The following KAT6A variants were observed in gnomAD, a reference collection of about 807,000 sequenced individuals.
The protein encoded by KAT6A is histone acetyltransferase KAT6A.
In KAT6A, 9 loss-of-function variants were observed where a neutral mutation model predicts 198.4. The ratio of observed to expected loss-of-function variants is 0.05; its 90% CI spans 0.03 to 0.08. KAT6A has a LOEUF of 0.08. KAT6A is among the 10% of genes least tolerant of loss of function. The pLI, the probability that KAT6A is intolerant of heterozygous loss-of-function variation, is 1.00. For missense variants in KAT6A, 2,077 were observed against 2,509.9 expected, an observed-to-expected ratio of 0.83 and a Z score of 3.69; for synonymous variants, 890 against 883.0, an observed-to-expected ratio of 1.01 and a Z score of -0.14.
At position 42,030,090 on chromosome 8, in the gene KAT6A, C is replaced by T. The variant is rs550871816; in HGVS notation, c.600+18288G>A. Among the ~76,000 whole-genome samples, 9 of 152,206 alleles carry T rather than the reference C, an allele frequency of 5.9e-5. No individual in the cohort carries two copies. In the East Asian group the frequency reaches 9.6e-4, roughly 16 times the overall value. On this transcript the variant is annotated intron_variant, in intron 2 of 16. Coordinates refer to ENST00000265713, the MANE Select transcript of KAT6A (RefSeq NM_006766.5). Reference sequence around the variant, plus strand: ...ATATGGAGATTCAAGGGCAATTGGGCGCCAGAGAAAGATGTGGTCTAATAG... The same window carrying T: ...ATATGGAGATTCAAGGGCAATTGGGTGCCAGAGAAAGATGTGGTCTAATAG...
chr8:42,045,042 G>T (rs1230813061), intron 2 of KAT6A, among the ~76,000 whole-genome samples: 1 of 152,180 alleles, frequency 6.6e-6, no homozygotes, highest in East Asian at 1.9e-4. Context: ...TCATCCTAGA[G>T]TTCACTGTAT....
chr8:41,999,718 A>G (rs1825392795), intron 2 of KAT6A, among the ~76,000 whole-genome samples: 1 of 152,190 alleles, frequency 6.6e-6, no homozygotes, highest in Admixed American at 6.5e-5. Context: ...CTCATTCTCC[A>G]GGGTATTTTA....
chr8:42,023,295 C>T (rs1278709294), intron 2 of KAT6A, among the ~76,000 whole-genome samples: 1 of 152,028 alleles, frequency 6.6e-6, no homozygotes, highest in Non-Finnish European at 1.5e-5. Flanking sequence ...TTACTATACA[C>T]TAATACAAAC....
chr8:42,006,554 A>T (rs998706764), intron 2 of KAT6A, among the ~76,000 whole-genome samples: 1 of 152,224 alleles, frequency 6.6e-6, no homozygotes, highest in African/African-American at 2.4e-5. Context: ...AAAAATTCAA[A>T]ATCAAAAATG....
intron 2 of KAT6A, among the ~76,000 whole-genome samples, chr8:42,037,640 A>G (rs980448645): frequency 6.6e-6 from 1 of 152,122 alleles, no homozygotes; most frequent in Non-Finnish European, 1.5e-5. Flanking sequence ...CCTATTCTAC[A>G]TAAAAGGTAA....
Position 41,937,662 on chromosome 8 carries a change from C to T in KAT6A, c.3040-94G>A, listed in dbSNP as rs548848667. ...GTTTTAAAACCAAATAGAATTAGCA[C>T]ATATAAAATGAGGATGTTGTTTGCC... is the stretch of plus-strand genomic sequence containing the variant. On this transcript the variant is annotated intron_variant, in intron 15 of 16. Transcript: ENST00000265713. 6.2e-6 allele frequency: 6 copies of T among 973,416 alleles called. No individual in the cohort carries two copies. In the South Asian group the frequency reaches 9.0e-5, roughly 15 times the overall value. The allele number at this position is 973,416 out of a possible 1,614,324, so 60.3% of individuals were successfully genotyped here. A position where few individuals can be genotyped will look rare whatever the true frequency, so the allele number is the denominator to read the frequency against.
At chr8:42,025,932 C>T (rs921670059) in intron 2 of KAT6A, among the ~76,000 whole-genome samples, 1 of 152,090 alleles carries the variant, frequency 6.6e-6, no homozygotes, top group Non-Finnish European at 1.5e-5. Context: ...AGTCTTTAAT[C>T]CATTCTGAGC....
At chr8:41,972,278 T>C (rs1587764200) in intron 8 of KAT6A, among the ~76,000 whole-genome samples, 1 of 152,168 alleles carries the variant, frequency 6.6e-6, no homozygotes, top group Non-Finnish European at 1.5e-5. Flanking sequence ...GAAAATAATG[T>C]TTGGCCACCA....
At chr8:42,008,858 A>T (rs1825873387) in intron 2 of KAT6A, among the ~76,000 whole-genome samples, 1 of 152,192 alleles carries the variant, frequency 6.6e-6, no homozygotes, top group Non-Finnish European at 1.5e-5. Context: ...TGGCAACTGT[A>T]CTGGTTTAGT....
intron 2 of KAT6A, among the ~76,000 whole-genome samples, chr8:42,043,281 G>C (rs974392723): frequency 6.6e-6 from 1 of 152,094 alleles, no homozygotes; most frequent in Non-Finnish European, 1.5e-5. Context: ...TTTACAAAGA[G>C]GAAGATGCTA....
intron 8 of KAT6A, among the ~76,000 whole-genome samples, chr8:41,966,505 T>C (rs1184500724): frequency 6.6e-6 from 1 of 152,066 alleles, no homozygotes; most frequent in East Asian, 1.9e-4. Context: ...GGGACTCCTG[T>C]ATAGTAGTCA....
At chr8:42,028,429 T>A (rs1826949635) in intron 2 of KAT6A, among the ~76,000 whole-genome samples, 2 of 152,208 alleles carry the variant, frequency 1.3e-5, no homozygotes, top group Non-Finnish European at 2.9e-5. Context: ...TGGGTGCGTA[T>A]ATATTTACCA....
In KAT6A at chr8:42,048,704, C is replaced by T. The variant is rs1183558160; in HGVS notation, c.274G>A (p.Asp92Asn). 3.7e-6 allele frequency: 6 copies of T among 1,614,218 alleles called. No individual in the cohort carries two copies. The highest frequency in any genetic ancestry group is 5.1e-6 in the Non-Finnish European group (6 of 1,180,042). The change falls in exon 2 of 17, where the codon GAT becomes AAT. Residue 92 changes from aspartate to asparagine, a missense_variant. This residue lies in a region of KAT6A where 185 missense variants were observed against 185.7 expected (regional missense o/e 1.00). Coordinates refer to ENST00000265713, the MANE Select transcript of KAT6A (RefSeq NM_006766.5). ...LPKPRNHGKLDNKQNVDWNKL... is the reference protein window; with the variant it reads ...LPKPRNHGKLNNKQNVDWNKL... ...TTCCAATCCACATTTTGTTTATTAT[C>T]CAATTTTCCATGGTTCCGAGGCTTA...
chr8:41,955,513 G>A (rs1822879131), intron 8 of KAT6A, 102 bp from the exon 9 acceptor site: 2 of 699,878 alleles, frequency 2.9e-6, no homozygotes, highest in Admixed American at 6.1e-5. Flanking sequence ...GACTCCAAAG[G>A]AGTAAAACAA....
intron 2 of KAT6A, among the ~76,000 whole-genome samples, chr8:42,037,836 T>C (rs1026715132): frequency 6.6e-6 from 1 of 152,184 alleles, no homozygotes; most frequent in African/African-American, 2.4e-5. Flanking sequence ...TATCCTAATG[T>C]ACTTGCTAAG....
chr8:41,938,469 T>C (rs1587715478), intron 15 of KAT6A, among the ~76,000 whole-genome samples: 1 of 152,192 alleles, frequency 6.6e-6, no homozygotes, highest in Non-Finnish European at 1.5e-5. Flanking sequence ...TCAAACTTAA[T>C]AGTCCCAATC....
At chr8:41,982,713 G>T (rs962193028) in intron 3 of KAT6A, among the ~76,000 whole-genome samples, 1 of 152,182 alleles carries the variant, frequency 6.6e-6, no homozygotes, top group Non-Finnish European at 1.5e-5. Context: ...TTATTATCAT[G>T]CTTGTGTTGG....
At chr8:41,939,694 A>G (rs952139070) in intron 15 of KAT6A, among the ~76,000 whole-genome samples, 3 of 152,250 alleles carry the variant, frequency 2.0e-5, no homozygotes, top group African/African-American at 7.2e-5. Flanking sequence ...TCTCAAAACT[A>G]TGAAGGCCAT....
chr8:41,943,307 G>C (rs948009991), intron 13 of KAT6A, among the ~76,000 whole-genome samples: 3 of 152,164 alleles, frequency 2.0e-5, no homozygotes, highest in Admixed American at 6.5e-5. Context: ...TGGCTCAAAT[G>C]CCTCCTTTCT....
Sources: allele counts gnomAD v4.1 joint callset (sites outside exome capture counted in the v4.1 genomes callset), GRCh38; gene constraint gnomAD v4.1.1; regional missense constraint gnomAD v4.1.1; transcripts MANE v1.5; gene names NCBI Gene and HGNC (gene_info 2026-07-23, HGNC 2026-07-21).